ANKS1B: variants seen among roughly 807,000 people sequenced by gnomAD.
The protein encoded by ANKS1B is ankyrin repeat and sterile alpha motif domain containing 1B.
Under a neutral mutation model 148.3 loss-of-function variants are expected in ANKS1B, and 36 were observed. That is an observed-to-expected ratio of 0.24 (90% confidence interval 0.19 to 0.32). The LOEUF (loss-of-function observed/expected upper bound fraction) is 0.32. Ranked by LOEUF, ANKS1B falls within the 10% of genes least tolerant of loss-of-function variation. The pLI is 1.00. For missense variants in ANKS1B, 1,157 were observed against 1,542.6 expected (o/e 0.75, Z 4.19); for synonymous variants, 542 against 560.8 (o/e 0.97, Z 0.47).
At chr12:98,857,587 C>T (rs1181837885) in intron 17 of ANKS1B, among the ~76,000 whole-genome samples, 2 of 151,562 alleles carry the variant, frequency 1.3e-5, no homozygotes, top group Admixed American at 1.3e-4. Flanking sequence ...CAGAACATGC[C>T]TTGTTACCTT....
At chr12:99,617,401 A>G (rs532754854) in intron 9 of ANKS1B, among the ~76,000 whole-genome samples, 11 of 152,312 alleles carry the variant, frequency 7.2e-5, no homozygotes, top group African/African-American at 2.2e-4. Context: ...ATGCCCATCA[A>G]TGATAGACTG....
At chr12:99,574,455 T>C (rs764260867) in intron 9 of ANKS1B, among the ~76,000 whole-genome samples, 11 of 152,108 alleles carry the variant, frequency 7.2e-5, no homozygotes, top group Non-Finnish European at 1.2e-4. Flanking sequence ...GCCATTGTTA[T>C]ACAGATACCA....
intron 9 of ANKS1B, among the ~76,000 whole-genome samples, chr12:99,637,143 T>C (rs181336514): frequency 7.9e-5 from 12 of 152,096 alleles, no homozygotes; most frequent in African/African-American, 2.9e-4. Context: ...CTGTCTCTAC[T>C]AAAAATACAA....
intron 1 of ANKS1B, among the ~76,000 whole-genome samples, chr12:99,882,008 G>T (rs1603430042): frequency 1.3e-5 from 2 of 152,192 alleles, no homozygotes; most frequent in East Asian, 3.8e-4. Flanking sequence ...ACCTGACAAA[G>T]ATGTCAAAGC....
At chr12:99,693,117 A>T (rs895768408) in intron 8 of ANKS1B, among the ~76,000 whole-genome samples, 2 of 152,230 alleles carry the variant, frequency 1.3e-5, no homozygotes, top group Non-Finnish European at 2.9e-5. Flanking sequence ...AAGAGCAGTC[A>T]AGGAGGGAAG....
intron 9 of ANKS1B, among the ~76,000 whole-genome samples, chr12:99,511,726 T>C (rs962800056): frequency 2.0e-5 from 3 of 151,794 alleles, no homozygotes; most frequent in Non-Finnish European, 2.9e-5. Flanking sequence ...CATAGACCAA[T>C]GGAACAGAAT....
intron 10 of ANKS1B, among the ~76,000 whole-genome samples, chr12:99,480,326 T>G (rs1453748502): frequency 1.3e-5 from 2 of 151,880 alleles, no homozygotes; most frequent in African/African-American, 2.4e-5. Flanking sequence ...ACATTGCCAT[T>G]TCTTTACTTA....
At chr12:99,580,754 C>T (rs2097562716) in intron 9 of ANKS1B, among the ~76,000 whole-genome samples, 1 of 151,976 alleles carries the variant, frequency 6.6e-6, no homozygotes, top group South Asian at 2.1e-4. Context: ...TAAAATGTTC[C>T]CAATACATAG....
Position 98,898,584 on chromosome 12 carries a change from A to G in ANKS1B, c.2779-66448T>C, listed in dbSNP as rs118026789. ...AATTCTTGCCACAGAATCACTTATC[A>G]TGATTCTGTGATGCACCAGGATATT... On this transcript the variant is annotated intron_variant, in intron 17 of 26. Coordinates refer to ENST00000683438, the MANE Select transcript of ANKS1B (RefSeq NM_001352186.2). Among the ~76,000 whole-genome samples the G allele has an allele frequency of 1.3e-3, 205 of 152,246 alleles. 3 individuals are homozygous for G. In the East Asian group the frequency reaches 0.017, roughly 13 times the overall value.
intron 2 of ANKS1B, among the ~76,000 whole-genome samples, chr12:99,816,951 T>C (rs2069263108): frequency 1.3e-5 from 2 of 151,708 alleles, no homozygotes; most frequent in Non-Finnish European, 3.0e-5. Flanking sequence ...TTTTTATATA[T>C]GCATACAATG....
intron 1 of ANKS1B, among the ~76,000 whole-genome samples, chr12:99,973,783 T>C (rs1287298149): frequency 6.6e-6 from 1 of 152,234 alleles, no homozygotes. Context: ...AATCTCATGA[T>C]AAAATTTGAA....
chr12:98,878,939 C>G, intron 17 of ANKS1B, among the ~76,000 whole-genome samples: 1 of 152,094 alleles, frequency 6.6e-6, no homozygotes, highest in East Asian at 1.9e-4. Flanking sequence ...AAGCTTTTTT[C>G]AATGCAGAGA....
chr12:99,404,942 A>T (rs556293266), intron 11 of ANKS1B, among the ~76,000 whole-genome samples: 1 of 146,458 alleles, frequency 6.8e-6, no homozygotes, highest in African/African-American at 2.6e-5. Flanking sequence ...AAGCTCCAAT[A>T]TGCTTGGCAG....
intron 15 of ANKS1B, among the ~76,000 whole-genome samples, chr12:99,129,342 C>T (rs11612681): frequency 0.013 from 1,956 of 152,154 alleles, 32 homozygotes; most frequent in Non-Finnish European, 0.017. Context: ...TGGCTAAAAC[C>T]TTTGATAAAA....
At chr12:99,913,083 T>C (rs1348889710) in intron 1 of ANKS1B, among the ~76,000 whole-genome samples, 2 of 152,190 alleles carry the variant, frequency 1.3e-5, no homozygotes, top group Non-Finnish European at 2.9e-5. Flanking sequence ...GAAGTGTTTA[T>C]TCTGTGACCC....
chr12:99,102,953 G>A (rs1181221504), intron 15 of ANKS1B, among the ~76,000 whole-genome samples: 1 of 151,840 alleles, frequency 6.6e-6, no homozygotes, highest in African/African-American at 2.4e-5. Flanking sequence ...AGAGCAGGTT[G>A]AAACCCTGTC....
At chr12:99,463,310 C>G (rs1050049746) in intron 10 of ANKS1B, among the ~76,000 whole-genome samples, 13 of 152,288 alleles carry the variant, frequency 8.5e-5, no homozygotes, top group Middle Eastern at 3.4e-3. Context: ...AATGCGGCAG[C>G]CAAGATGGCC....
chr12:99,908,637 T>C (rs906461286), intron 1 of ANKS1B, among the ~76,000 whole-genome samples: 1 of 152,154 alleles, frequency 6.6e-6, no homozygotes, highest in African/African-American at 2.4e-5. Context: ...TTCCAATTCT[T>C]TAAGTTATTA....
At chr12:99,585,396 G>T (rs117027491) in intron 9 of ANKS1B, among the ~76,000 whole-genome samples, 7,515 of 152,198 alleles carry the variant, frequency 0.049, 353 homozygotes, top group East Asian at 0.23. Context: ...GGTTTTGCAG[G>T]GTACAGCCCC....
Sources: allele counts gnomAD v4.1 joint callset (sites outside exome capture counted in the v4.1 genomes callset), GRCh38; gene constraint gnomAD v4.1.1; transcripts MANE v1.5; gene names NCBI Gene and HGNC (gene_info 2026-07-23, HGNC 2026-07-21).